MST1R: variants seen among roughly 807,000 people sequenced by gnomAD.
MST1R encodes the protein macrophage stimulating 1 receptor, also known as macrophage-stimulating protein receptor.
In MST1R, 99 loss-of-function variants were observed where a neutral mutation model predicts 117.8. That is an observed-to-expected ratio of 0.84 (90% CI 0.71 to 0.99). MST1R has a LOEUF of 0.99. Ranked by LOEUF, MST1R falls within the 50% of genes least tolerant of loss-of-function variation. The probability of loss-of-function intolerance (pLI) is 0.00; values close to 1 mark genes in which losing one functional copy is unlikely to be tolerated. For missense variants in MST1R, 1,683 were observed against 1,840.2 expected (o/e 0.91, Z 1.56); for synonymous variants, 734 against 765.3 (o/e 0.96, Z 0.68).
chr3:49,894,526 C>T (rs906754182), intron 14 of MST1R, among the ~76,000 whole-genome samples: 5 of 152,134 alleles, frequency 3.3e-5, no homozygotes, highest in African/African-American at 1.2e-4. Flanking sequence ...CATGATTGTG[C>T]CATTGCACTC....
rs2108441717 is a variant in MST1R at position 49,896,089 on chromosome 3, C to T, written c.2668G>A (p.Val890Met). 6.2e-7 allele frequency: 1 copy of T among 1,612,172 alleles called. No homozygotes were observed. The highest frequency in any genetic ancestry group is 8.5e-7 in the Non-Finnish European group (1 of 1,178,654). Reference sequence around the variant, plus strand: ...ACGTTGATACCCACACAGTCAGCCACAGCGCCCAGCCCAATATACTGCAGA... The same window carrying T: ...ACGTTGATACCCACACAGTCAGCCATAGCGCCCAGCCCAATATACTGCAGA... ...IKFEYIGLGA[V>M]ADCVGINVTV... Residue 890 changes from valine to methionine, a missense_variant, in exon 11 of 20, where the codon GTG becomes ATG. Physicochemically the swap from Val to Met is conservative, Grantham distance 21. Coordinates refer to ENST00000296474, the MANE Select transcript of MST1R (RefSeq NM_002447.4).
intron 14 of MST1R, among the ~76,000 whole-genome samples, chr3:49,894,179 C>T (rs1256792000): frequency 6.6e-6 from 1 of 151,322 alleles, no homozygotes; most frequent in African/African-American, 2.4e-5. Context: ...CGCGCCATTG[C>T]ACTCCAGCCT....
In MST1R at chr3:49,899,168, C is replaced by G. The variant is rs761681423; in HGVS notation, c.1326G>C (p.Leu442=). 9 of 1,614,114 alleles carry G rather than the reference C, an allele frequency of 5.6e-6. No individual in the cohort carries two copies. The highest frequency in any genetic ancestry group is 1.7e-6 in the Non-Finnish European group (2 of 1,180,054). ...ATGCAGTGACCTGTACTGGTCCCAA[C>G]AGCCCATTGAATAGGTCCACACGTG... The part of the protein sequence containing the change: ...SFSRVDLFNG[L]LGPVQVTALY... The change falls in exon 2 of 20, where the codon CTG becomes CTC. Residue 442 remains leucine (L), a synonymous_variant. Coordinates refer to ENST00000296474, the MANE Select transcript of MST1R (RefSeq NM_002447.4).
intron 17 of MST1R, among the ~76,000 whole-genome samples, chr3:49,890,895 T>G (rs1306105887): frequency 6.6e-6 from 1 of 152,104 alleles, no homozygotes; most frequent in Non-Finnish European, 1.5e-5. Flanking sequence ...CTGGCTAATC[T>G]TTTTGTATTT....
At position 49,895,374 on chromosome 3, in the gene MST1R, C is replaced by T. The variant is rs141048828; in HGVS notation, c.3065-1G>A. On this transcript the variant is annotated splice_acceptor_variant, in intron 13 of 19. Coordinates refer to ENST00000296474, the MANE Select transcript of MST1R (RefSeq NM_002447.4). LOFTEE classifies it high-confidence loss of function. ...TCCAGACCATCAATGGCAGGGAGTG[C>T]TGTGGGGAGAGGGAATGAGGAGCTT... 3 of 1,614,092 alleles carry T rather than the reference C, an allele frequency of 1.9e-6. No individual in the cohort carries two copies. In the African/African-American group the frequency reaches 4.0e-5, roughly 22 times the overall value.
chr3:49,896,602 G>A lies in MST1R; in HGVS notation c.2377C>T (p.Leu793=). Reference sequence around the variant, plus strand: ...AGCACTAAGTGCCATGCTGAAGTTAGATGCTGGCCACAGATGGTGATGTGG... The same window carrying A: ...AGCACTAAGTGCCATGCTGAAGTTAAATGCTGGCCACAGATGGTGATGTGG... ...NSHITICGQH[L]TSAWHLVLSF... Residue 793 remains leucine (L), a synonymous_variant, in exon 9 of 20, where the codon CTA becomes TTA. Coordinates refer to ENST00000296474, the MANE Select transcript of MST1R (RefSeq NM_002447.4). 1 of 1,614,224 alleles carries A rather than the reference G, an allele frequency of 6.2e-7. No homozygotes were observed. Among genetic ancestry groups the A allele is most frequent in the Non-Finnish European group, 8.5e-7 (1 of 1,180,030 alleles).
At chr3:49,897,957 C>T in intron 5 of MST1R, 94 bp downstream of exon 5, 2 of 1,564,752 alleles carry the variant, frequency 1.3e-6, no homozygotes, top group East Asian at 2.3e-5. Context: ...CCCCATCCCC[C>T]CTTGCCTCTG....
chr3:49,887,255 G>T lies in MST1R; in HGVS notation c.*52C>A. ...CCCTCTGGCCTGGCATGGCCCAGAGGCAGCTTGGGGTTAGCTCAAGGCAGC... is the reference window on the plus strand; with the variant it reads ...CCCTCTGGCCTGGCATGGCCCAGAGTCAGCTTGGGGTTAGCTCAAGGCAGC... On this transcript the variant is annotated 3_prime_UTR_variant, in exon 20 of 20. Transcript: ENST00000296474. 1 of 1,599,454 alleles carries T rather than the reference G, an allele frequency of 6.3e-7. No individual in the cohort carries two copies. The highest frequency in any genetic ancestry group is 2.2e-5 in the East Asian group (1 of 44,754).
In MST1R at chr3:49,898,207, T is replaced by C; in HGVS notation, c.1724A>G (p.His575Arg). Residue 575 changes from histidine to arginine, a missense_variant, in exon 5 of 20, where the codon CAC (histidine) becomes CGC (arginine). By Grantham distance (29) the His-to-Arg change is conservative. Coordinates refer to ENST00000296474, the MANE Select transcript of MST1R (RefSeq NM_002447.4). ...GCCCCTTAGAGGTCCACTGTGGGGG[T>C]GGAACTGAAATGGGGGAAACAGCCT... ...DHCPPKLTEF[H>R]PHSGPLRGST... The C allele has an allele frequency of 1.2e-6, 2 of 1,613,436 alleles. No individual in the cohort carries two copies. The highest frequency in any genetic ancestry group is 1.7e-6 in the Non-Finnish European group (2 of 1,179,876).
intron 14 of MST1R, among the ~76,000 whole-genome samples, chr3:49,892,291 G>A (rs1472039282): frequency 6.6e-6 from 1 of 151,762 alleles, no homozygotes; most frequent in Non-Finnish European, 1.5e-5. Context: ...AAAGCAGCAG[G>A]GCTGCGTGCA....
chr3:49,891,553 G>C lies in MST1R; in HGVS notation c.3380C>G (p.Ala1127Gly). Residue 1127 changes from alanine (A) to glycine (G), a missense_variant, in exon 16 of 20, where the codon GCC becomes GGC. Coordinates refer to ENST00000296474, the MANE Select transcript of MST1R (RefSeq NM_002447.4). ...SRITEMQQVE[A>G]FLREGLLMRG... ...CATGAGCAGCCCCTCTCGCAGGAAG[G>C]CCTCCACCTGCTGCATCTCTGTGAT... The C allele has an allele frequency of 6.2e-7, 1 of 1,613,884 alleles. No individual in the cohort carries two copies. Among genetic ancestry groups the C allele is most frequent in the Non-Finnish European group, 8.5e-7 (1 of 1,180,026 alleles).
Position 49,891,199 on chromosome 3 carries a change from G to A in MST1R, c.3642C>T (p.Cys1214=), listed in dbSNP as rs761544915. 23 of 1,613,486 alleles carry A rather than the reference G, an allele frequency of 1.4e-5. No homozygotes were observed. The highest frequency in any genetic ancestry group is 1.9e-5 in the Non-Finnish European group (23 of 1,179,844). ...CCCCAGCTACTCTGGACTCTCACAT[G>A]CAGTTCCGCGCAGCCAGGTCCCTGT... ...FVHRDLAARN[C]MLDESFTVKV... is the part of the protein sequence containing the mutation. Residue 1214 remains cysteine (C), a splice_region_variant and synonymous_variant, in exon 17 of 20, where the codon TGC becomes TGT. Coordinates refer to ENST00000296474, the MANE Select transcript of MST1R (RefSeq NM_002447.4).
intron 4 of MST1R, 40 bp from the exon 5 acceptor site, chr3:49,898,251 G>A: frequency 3.1e-6 from 5 of 1,609,560 alleles, no homozygotes; most frequent in Non-Finnish European, 3.4e-6. Context: ...ATGTGGGGTT[G>A]GGCTCTCTCA....
In MST1R at chr3:49,887,560, T is replaced by C. The variant is rs2082200015; in HGVS notation, c.3950A>G (p.Tyr1317Cys). Residue 1317 changes from tyrosine (Y) to cysteine (C), a missense_variant and splice_region_variant, in exon 20 of 20, where the codon TAC becomes TGC. By Grantham distance (194) the Tyr-to-Cys change is radical. Transcript: ENST00000296474. The part of the protein sequence containing the change: ...PQPEYCPDSL[Y>C]QVMQQCWEAD... ...CTCCCAGCATTGCTGCATCACTTGG[T>C]ACCTGTTGGGGGAAAGGGATGTCAG... 3 of 1,613,560 alleles carry C rather than the reference T, an allele frequency of 1.9e-6. No individual in the cohort carries two copies. Among genetic ancestry groups the C allele is most frequent in the Non-Finnish European group, 1.7e-6 (2 of 1,179,784 alleles).
At position 49,895,058 on chromosome 3, in the gene MST1R, G is replaced by T. The variant is rs1445461308; in HGVS notation, c.3271+109C>A. On this transcript the variant is annotated intron_variant, in intron 14 of 19. Transcript: ENST00000296474. ...GATCTCCTGACCTCATGATCTGCCC[G>T]CCTCGGCCTCCCAAAGTGCTGGGAT... The T allele has an allele frequency of 9.6e-6, 11 of 1,144,786 alleles. No homozygotes were observed. In the Admixed American group the frequency reaches 1.0e-4, roughly 11 times the overall value. 70.9% of individuals were successfully genotyped at this position (1,144,786 alleles called of 1,614,324 possible).
chr3:49,899,368 C>T (rs1389592229), intron 1 of MST1R, 105 bp from the exon 2 acceptor site: 3 of 1,239,772 alleles, frequency 2.4e-6, no homozygotes, highest in Non-Finnish European at 3.4e-6. Flanking sequence ...CACCCCTCAC[C>T]TGGCCTGACT....
At chr3:49,895,002 G>A (rs565987498) in intron 14 of MST1R, among the ~76,000 whole-genome samples, 165 bp downstream of exon 14, 42 of 152,164 alleles carry the variant, frequency 2.8e-4, no homozygotes, top group Non-Finnish European at 4.7e-4. Context: ...TAGTAGAGAC[G>A]GGGTTTCACT....
intron 19 of MST1R, 128 bp from the exon 20 acceptor site, chr3:49,887,690 C>T: frequency 1.0e-6 from 1 of 987,804 alleles, no homozygotes; most frequent in Non-Finnish European, 1.5e-6. Context: ...GTACCTAGCA[C>T]TACCCAATCA....
intron 1 of MST1R, 44 bp from the exon 2 acceptor site, chr3:49,899,307 T>C (rs1244866114): frequency 1.2e-6 from 2 of 1,606,046 alleles, no homozygotes; most frequent in African/African-American, 2.7e-5. Flanking sequence ...TTCAGCCTTG[T>C]GCCCCGACCC....
Sources: allele counts gnomAD v4.1 joint callset (sites outside exome capture counted in the v4.1 genomes callset), GRCh38; gene constraint gnomAD v4.1.1; transcripts MANE v1.5; gene names NCBI Gene and HGNC (gene_info 2026-07-23, HGNC 2026-07-21).